BCL2L1: variants seen among roughly 807,000 people sequenced by gnomAD.
BCL2L1 encodes the protein bcl-2-like protein 1.
Under a neutral mutation model 18.7 loss-of-function variants are expected in BCL2L1, and 1 was observed. The observed-to-expected ratio is 0.05, with a 90% CI of 0.02 to 0.25. The LOEUF (loss-of-function observed/expected upper bound fraction) is 0.25. BCL2L1 is among the 10% of genes least tolerant of loss of function. The probability of loss-of-function intolerance (pLI) is 1.00; values close to 1 mark genes in which losing one functional copy is unlikely to be tolerated. For missense variants in BCL2L1, 207 were observed against 304.9 expected (o/e 0.68, Z 2.39); for synonymous variants, 103 against 122.7 (o/e 0.84, Z 1.06).
At chr20:31,670,872 C>A (rs2060658100) in intron 2 of BCL2L1, among the ~76,000 whole-genome samples, 1 of 152,178 alleles carries the variant, frequency 6.6e-6, no homozygotes, top group Non-Finnish European at 1.5e-5. Flanking sequence ...CAGGCGGCTG[C>A]TCTGGATAAA....
chr20:31,672,663 T>C (rs759579305), intron 2 of BCL2L1, among the ~76,000 whole-genome samples: 6 of 152,154 alleles, frequency 3.9e-5, no homozygotes, highest in Non-Finnish European at 5.9e-5. Flanking sequence ...GCTAGATCTC[T>C]GCCCAGAGGC....
intron 2 of BCL2L1, among the ~76,000 whole-genome samples, chr20:31,695,518 G>A (rs2061152697): frequency 6.6e-6 from 1 of 152,222 alleles, no homozygotes; most frequent in South Asian, 2.1e-4. Flanking sequence ...CCAGACTAGA[G>A]TGGAGGGACA....
intron 2 of BCL2L1, among the ~76,000 whole-genome samples, chr20:31,711,485 C>T (rs956885842): frequency 6.6e-6 from 1 of 152,150 alleles, no homozygotes; most frequent in African/African-American, 2.4e-5. Context: ...CCAGCAAGAC[C>T]CAAGGTGTGG....
At chr20:31,712,419 A>G (rs6060857) in intron 2 of BCL2L1, among the ~76,000 whole-genome samples, 56,348 of 152,130 alleles carry the variant, frequency 0.37, 12,591 homozygotes, top group African/African-American at 0.61. Context: ...CTATTAATAC[A>G]TGTAAAGCAC....
chr20:31,670,328 A>C (rs916245179), intron 2 of BCL2L1, among the ~76,000 whole-genome samples: 1 of 152,210 alleles, frequency 6.6e-6, no homozygotes, highest in Non-Finnish European at 1.5e-5. Context: ...AGAGTTCCAC[A>C]CTATGAAGAG....
chr20:31,680,933 G>C (rs2060848872), intron 2 of BCL2L1, among the ~76,000 whole-genome samples: 1 of 152,208 alleles, frequency 6.6e-6, no homozygotes, highest in Admixed American at 6.5e-5. Context: ...TTTGATCAGA[G>C]ACCTGAATGA....
chr20:31,680,095 T>G (rs1270144858), intron 2 of BCL2L1, among the ~76,000 whole-genome samples: 1 of 152,214 alleles, frequency 6.6e-6, no homozygotes, highest in East Asian at 1.9e-4. Flanking sequence ...AACTAATATT[T>G]ACTGTTTGAA....
In BCL2L1 at chr20:31,664,839, C is replaced by T; in HGVS notation, c.*1110G>A. 1 of 222,638 alleles carries T rather than the reference C, an allele frequency of 4.5e-6. No homozygotes were observed. Among genetic ancestry groups the T allele is most frequent in the Non-Finnish European group, 9.0e-6 (1 of 110,914 alleles). The allele number at this position is 222,638 out of a possible 1,614,324, so 13.8% of individuals were successfully genotyped here. ...GGGTGGAGCAGAAGAGAGAGGGAGG[C>T]CTGAAGAGCTCCTGGCCAGGCCACT... is the stretch of plus-strand genomic sequence containing the variant. On this transcript the variant is annotated 3_prime_UTR_variant, in exon 3 of 3. Coordinates refer to ENST00000307677, the MANE Select transcript of BCL2L1 (RefSeq NM_138578.3).
upstream of BCL2L1, chr20:31,723,899 C>G (rs1308781318): frequency 5.1e-6 from 5 of 985,330 alleles, no homozygotes; most frequent in Non-Finnish European, 4.8e-6. Flanking sequence ...CCCGAACAAG[C>G]CGGCCTCAGT....
At chr20:31,691,721 G>A (rs1414500866) in intron 2 of BCL2L1, among the ~76,000 whole-genome samples, 2 of 151,998 alleles carry the variant, frequency 1.3e-5, no homozygotes, top group Non-Finnish European at 2.9e-5. Flanking sequence ...ATAAGAAAAA[G>A]TCAAATCAAA....
intron 2 of BCL2L1, among the ~76,000 whole-genome samples, chr20:31,714,577 C>T (rs977346989): frequency 3.3e-5 from 5 of 152,144 alleles, no homozygotes; most frequent in South Asian, 2.1e-4. Flanking sequence ...TCTTTACCAT[C>T]GCCCCCTGTG....
chr20:31,666,228 G>A (rs2060585574), intron 2 of BCL2L1, 142 bp from the exon 3 acceptor site: 1 of 1,000,594 alleles, frequency 1.0e-6, no homozygotes, highest in African/African-American at 1.6e-5. Flanking sequence ...CAGGTAAAGG[G>A]CTAAGGGTGG....
At chr20:31,681,248 A>C (rs959717149) in intron 2 of BCL2L1, among the ~76,000 whole-genome samples, 4 of 152,220 alleles carry the variant, frequency 2.6e-5, no homozygotes, top group African/African-American at 9.7e-5. Flanking sequence ...TGCTGGGTGG[A>C]GATCTCCAGG....
chr20:31,720,241 A>C (rs1033655990), intron 2 of BCL2L1: 33 of 813,452 alleles, frequency 4.1e-5, no homozygotes, highest in Non-Finnish European at 4.9e-5. Context: ...GTGGGGTTCC[A>C]GGGCAAACTC....
chr20:31,692,780 G>T (rs1425336158), intron 2 of BCL2L1, among the ~76,000 whole-genome samples: 2 of 152,084 alleles, frequency 1.3e-5, no homozygotes, highest in East Asian at 1.9e-4. Flanking sequence ...GCAGTGGCAG[G>T]TGCCTGTAAT....
At chr20:31,708,339 A>T (rs1334045048) in intron 2 of BCL2L1, among the ~76,000 whole-genome samples, 4 of 152,224 alleles carry the variant, frequency 2.6e-5, no homozygotes, top group Non-Finnish European at 5.9e-5. Context: ...AGAAGCCTGT[A>T]CATGTGATAC....
intron 2 of BCL2L1, among the ~76,000 whole-genome samples, chr20:31,676,009 T>C (rs971351700): frequency 3.3e-5 from 5 of 152,094 alleles, no homozygotes; most frequent in African/African-American, 1.2e-4. Context: ...AAGGAAGCGG[T>C]TGTGCCGGGA....
intron 2 of BCL2L1, among the ~76,000 whole-genome samples, chr20:31,680,158 A>G (rs913628336): frequency 6.6e-6 from 1 of 152,240 alleles, no homozygotes; most frequent in African/African-American, 2.4e-5. Context: ...TGAGGAAACT[A>G]AAATTCAGCG....
intron 2 of BCL2L1, among the ~76,000 whole-genome samples, chr20:31,714,400 G>A (rs1178133194): frequency 6.6e-6 from 1 of 152,212 alleles, no homozygotes; most frequent in East Asian, 1.9e-4. Flanking sequence ...TGCTGCAAGG[G>A]CCTGCTCTGA....
Sources: allele counts gnomAD v4.1 joint callset (sites outside exome capture counted in the v4.1 genomes callset), GRCh38; gene constraint gnomAD v4.1.1; transcripts MANE v1.5; gene names NCBI Gene and HGNC (gene_info 2026-07-23, HGNC 2026-07-21).